The following NCK2 variants were observed in gnomAD, a reference collection of about 807,000 sequenced individuals.
The protein encoded by NCK2 is cytoplasmic protein NCK2.
Under a neutral mutation model 33.9 loss-of-function variants are expected in NCK2, and 16 were observed. The ratio of observed to expected loss-of-function variants is 0.47; its 90% CI spans 0.32 to 0.72. NCK2 has a LOEUF of 0.72. Among genes scored for constraint, NCK2 ranks in the 30% least tolerant of loss-of-function variants. The pLI is 0.03. For synonymous variants in NCK2, 273 were observed against 239.9 expected (o/e 1.14, Z -1.27); for missense variants, 418 against 537.3 (o/e 0.78, Z 2.19).
chr2:105,795,316 CAAAT>C (rs1558840735), intron 1 of NCK2, among the ~76,000 whole-genome samples: 1 of 151,710 alleles, frequency 6.6e-6, no homozygotes, highest in Non-Finnish European at 1.5e-5. Context: ...TTTTTTTCCT[CAAAT>C]AAGCAATAGC....
intron 4 of NCK2, among the ~76,000 whole-genome samples, chr2:105,883,259 G>T (rs574808798): frequency 3.2e-4 from 48 of 152,322 alleles, no homozygotes; most frequent in Admixed American, 8.5e-4. Context: ...CTCACATGAC[G>T]AGAGCTCTGT....
chr2:105,891,968 C>T (rs1445289767), intron 4 of NCK2, among the ~76,000 whole-genome samples: 1 of 152,058 alleles, frequency 6.6e-6, no homozygotes, highest in Non-Finnish European at 1.5e-5. Context: ...GTTCAGCTTC[C>T]TCTGGGATAT....
intron 1 of NCK2, among the ~76,000 whole-genome samples, chr2:105,786,091 A>G (rs1008620675): frequency 1.3e-5 from 2 of 152,058 alleles, no homozygotes; most frequent in African/African-American, 2.4e-5. Flanking sequence ...ACATCTCTCT[A>G]TCAGTTAATT....
At chr2:105,834,779 C>T (rs1422641408) in intron 2 of NCK2, among the ~76,000 whole-genome samples, 3 of 151,896 alleles carry the variant, frequency 2.0e-5, no homozygotes, top group Non-Finnish European at 4.4e-5. Flanking sequence ...GTGACTGCCC[C>T]CCTGCTTCAG....
At chr2:105,801,045 AG>A (rs1674815106) in intron 1 of NCK2, among the ~76,000 whole-genome samples, 1 of 152,218 alleles carries the variant, frequency 6.6e-6, no homozygotes. Flanking sequence ...ATACTTAAAC[AG>A]GTTACTGAAT....
At chr2:105,807,730 TTTCCTTCC>T (rs368606023) in intron 1 of NCK2, among the ~76,000 whole-genome samples, 1 of 56,778 alleles carries the variant, frequency 1.8e-5, no homozygotes, top group Admixed American at 2.0e-4. Context: ...TCCTTCCTTC[TTTCCTTCC>T]TTCCTTCCTT....
chr2:105,853,472 C>T (rs1039257371), intron 2 of NCK2, among the ~76,000 whole-genome samples: 3 of 152,112 alleles, frequency 2.0e-5, no homozygotes, highest in Non-Finnish European at 4.4e-5. Flanking sequence ...TGACAGGTGT[C>T]CGCCATTATA....
rs1327324526 is a variant in NCK2, at chr2:105,893,400, C to T, written c.*224C>T. 2.0e-6 allele frequency: 1 copy of T among 512,264 alleles called. No individual in the cohort carries two copies. The highest frequency in any genetic ancestry group is 3.5e-6 in the Non-Finnish European group (1 of 283,466). 31.7% of individuals were successfully genotyped at this position (512,264 alleles called of 1,614,324 possible). The stretch of plus-strand genomic sequence containing the variant: ...GCTTTAGAGGAGGGGAGGAGCAGGG[C>T]GAGTTCACATTATTCCTTTTCCATC... On this transcript the variant is annotated 3_prime_UTR_variant, in exon 5 of 5. Transcript: ENST00000233154.
Position 105,889,900 on chromosome 2 carries a change from T to C in NCK2, c.949-3082T>C, listed in dbSNP as rs1343721074. ...CATGGCTGGCCCTTGAGAATATGCTTCCTAACCAGTTCTCAGAGGATGCTC... is the reference window on the plus strand; with the variant it reads ...CATGGCTGGCCCTTGAGAATATGCTCCCTAACCAGTTCTCAGAGGATGCTC... On this transcript the variant is annotated intron_variant, in intron 4 of 4. Transcript: ENST00000233154. Among the ~76,000 whole-genome samples the C allele has an allele frequency of 2.0e-5, 3 of 152,208 alleles. No homozygotes were observed. In the East Asian group the frequency reaches 5.8e-4, roughly 29 times the overall value.
chr2:105,886,599 A>G (rs1400525913), intron 4 of NCK2, among the ~76,000 whole-genome samples: 1 of 152,200 alleles, frequency 6.6e-6, no homozygotes, highest in Non-Finnish European at 1.5e-5. Flanking sequence ...TGGAGTATGC[A>G]CTTGATTCAA....
intron 3 of NCK2, among the ~76,000 whole-genome samples, chr2:105,879,394 G>A (rs1678371873): frequency 6.6e-6 from 1 of 152,214 alleles, no homozygotes; most frequent in South Asian, 2.1e-4. Context: ...TGGAGCTGTG[G>A]CGGTATCATG....
intron 1 of NCK2, among the ~76,000 whole-genome samples, chr2:105,767,226 A>T (rs1423383585): frequency 6.6e-6 from 1 of 152,184 alleles, no homozygotes; most frequent in Non-Finnish European, 1.5e-5. Context: ...TCACACATAC[A>T]TGTCATGTCA....
chr2:105,756,157 A>G (rs1689593765), intron 1 of NCK2, among the ~76,000 whole-genome samples: 1 of 152,230 alleles, frequency 6.6e-6, no homozygotes, highest in South Asian at 2.1e-4. Context: ...GCTGTCAGTT[A>G]GAAGTTCCCT....
At chr2:105,746,017 G>A (rs1689274844) in intron 1 of NCK2, 1 of 151,028 alleles carries the variant, frequency 6.6e-6, no homozygotes, top group Non-Finnish European at 1.5e-5. Flanking sequence ...TGCGGTGGAT[G>A]CTAGGGGTCA....
At chr2:105,837,604 G>A (rs1249816288) in intron 2 of NCK2, among the ~76,000 whole-genome samples, 1 of 152,164 alleles carries the variant, frequency 6.6e-6, no homozygotes, top group African/African-American at 2.4e-5. Context: ...AAGAGTTTCT[G>A]TACTGCATAT....
intron 3 of NCK2, among the ~76,000 whole-genome samples, chr2:105,866,353 A>G (rs1361524731): frequency 6.6e-6 from 1 of 152,234 alleles, no homozygotes; most frequent in Middle Eastern, 3.2e-3. Flanking sequence ...TATAATCAAG[A>G]TCCTGTTACA....
intron 1 of NCK2, among the ~76,000 whole-genome samples, chr2:105,780,770 C>A (rs1245524872): frequency 6.6e-6 from 1 of 152,178 alleles, no homozygotes; most frequent in Admixed American, 6.5e-5. Flanking sequence ...CAGAGGGCCC[C>A]CTCACCCCTT....
chr2:105,778,654 A>C (rs555161822), intron 1 of NCK2, among the ~76,000 whole-genome samples: 7 of 152,300 alleles, frequency 4.6e-5, no homozygotes, highest in African/African-American at 1.4e-4. Context: ...TAGGCTGGGA[A>C]ATCATGCCCT....
chr2:105,815,143 A>G lies in NCK2; in HGVS notation c.-200-1287A>G, dbSNP rs1022911043. Among the ~76,000 whole-genome samples the G allele has an allele frequency of 3.3e-5, 5 of 152,346 alleles. No individual in the cohort carries two copies. The South Asian group carries it at 8.3e-4, about 25-fold the overall frequency. On this transcript the variant is annotated intron_variant, in intron 1 of 4. Transcript: ENST00000233154. ...CAGAGAGAAGGGCAATCTGCCTAGT[A>G]TACGTTTGAACTTCTTGCCCAAAGA... is the stretch of plus-strand genomic sequence containing the variant.
Sources: gnomAD v4.1 joint callset for allele counts (sites outside exome capture counted in the v4.1 genomes callset) on GRCh38, gnomAD v4.1.1 for gene constraint, MANE v1.5 for transcripts, NCBI Gene and HGNC (gene_info 2026-07-23, HGNC 2026-07-21) for gene names.